The following F13A1 variants were observed in gnomAD, a reference collection of about 807,000 sequenced individuals.
F13A1 encodes the protein FSF, A subunit.
In F13A1, 47 loss-of-function variants were observed where a neutral mutation model predicts 80.1. The observed-to-expected ratio is 0.59, with a 90% confidence interval of 0.46 to 0.75. The LOEUF (loss-of-function observed/expected upper bound fraction) is 0.75, where lower values mean the gene tolerates loss of function less well. Ranked by LOEUF, F13A1 falls within the 30% of genes least tolerant of loss-of-function variation. The pLI, the probability that F13A1 is intolerant of heterozygous loss-of-function variation, is 0.00. For missense variants in F13A1, 817 were observed against 930.4 expected (o/e 0.88, Z 1.59); for synonymous variants, 349 against 344.9 (o/e 1.01, Z -0.13).
chr6:6,247,511 G>A (rs532068702), intron 6 of F13A1, among the ~76,000 whole-genome samples: 1 of 152,254 alleles, frequency 6.6e-6, no homozygotes, highest in South Asian at 2.1e-4. Context: ...ATCCAGGACT[G>A]CATGGGTCCT....
intron 3 of F13A1, among the ~76,000 whole-genome samples, chr6:6,297,376 C>T (rs1329201991): frequency 4.0e-5 from 6 of 151,120 alleles, no homozygotes; most frequent in African/African-American, 4.9e-5. Context: ...CCATCTGGTC[C>T]TGGACTCTTT....
At chr6:6,244,104 A>G (rs776004626) in intron 6 of F13A1, among the ~76,000 whole-genome samples, 3 of 152,200 alleles carry the variant, frequency 2.0e-5, no homozygotes, top group Non-Finnish European at 4.4e-5. Flanking sequence ...AGTCTGACTC[A>G]GGGCTCAGAG....
chr6:6,210,204 T>C (rs1761576982), intron 8 of F13A1, among the ~76,000 whole-genome samples: 1 of 151,334 alleles, frequency 6.6e-6, no homozygotes, highest in Non-Finnish European at 1.5e-5. Flanking sequence ...CAATCCAGCT[T>C]GGGTGAGAGA....
intron 10 of F13A1, among the ~76,000 whole-genome samples, chr6:6,186,103 T>C (rs1194209292): frequency 2.0e-5 from 3 of 151,222 alleles, no homozygotes; most frequent in African/African-American, 4.8e-5. Flanking sequence ...TTTGAGTTCA[T>C]TGTAGATTCT....
At chr6:6,206,970 G>A (rs1004359914) in intron 8 of F13A1, among the ~76,000 whole-genome samples, 1 of 151,690 alleles carries the variant, frequency 6.6e-6, no homozygotes, top group Non-Finnish European at 1.5e-5. Context: ...GCAGAGTAAG[G>A]ACTACTGGAA....
intron 8 of F13A1, among the ~76,000 whole-genome samples, chr6:6,214,532 GT>G (rs1761684455): frequency 9.8e-6 from 1 of 102,418 alleles, no homozygotes. Flanking sequence ...TCAAAGCAGT[GT>G]GTAGAGGGAA....
chr6:6,172,693 C>T (rs146236270), intron 12 of F13A1, among the ~76,000 whole-genome samples: 14,057 of 152,052 alleles, frequency 0.092, 818 homozygotes, highest in African/African-American at 0.16. Flanking sequence ...TTGATCCACC[C>T]GCCTCAGCCT....
chr6:6,218,603 G>T (rs2765236), intron 8 of F13A1, among the ~76,000 whole-genome samples: 9,695 of 152,206 alleles, frequency 0.064, 429 homozygotes, highest in South Asian at 0.098. Context: ...TGAGTCCCCA[G>T]CCCTCTCCTG....
chr6:6,279,495 C>G (rs536255770), intron 3 of F13A1, among the ~76,000 whole-genome samples: 2 of 152,274 alleles, frequency 1.3e-5, no homozygotes, highest in Admixed American at 1.3e-4. Context: ...ACCCCTCGTG[C>G]TGGGGTCTGG....
At chr6:6,253,460 G>A (rs1757663176) in intron 4 of F13A1, among the ~76,000 whole-genome samples, 1 of 152,160 alleles carries the variant, frequency 6.6e-6, no homozygotes, top group South Asian at 2.1e-4. Context: ...GTTACCCTGA[G>A]GAAAATATGA....
chr6:6,231,264 T>G (rs1189713440), intron 6 of F13A1, among the ~76,000 whole-genome samples: 1 of 151,986 alleles, frequency 6.6e-6, no homozygotes. Flanking sequence ...TGCACACACT[T>G]TTACGAATGC....
intron 5 of F13A1, among the ~76,000 whole-genome samples, chr6:6,248,834 A>T (rs2295752): frequency 6.6e-5 from 10 of 152,020 alleles, no homozygotes; most frequent in African/African-American, 2.4e-4. Context: ...TCGTGCATTT[A>T]GAAAATAAAG....
chr6:6,212,979 A>G (rs1338526738), intron 8 of F13A1, among the ~76,000 whole-genome samples: 1 of 152,196 alleles, frequency 6.6e-6, no homozygotes, highest in Non-Finnish European at 1.5e-5. Context: ...AGTTTAGAGA[A>G]AAAAGAATAA....
chr6:6,174,959 G>C, intron 11 of F13A1, 92 bp from the exon 12 acceptor site: 1 of 1,482,474 alleles, frequency 6.7e-7, no homozygotes, highest in East Asian at 2.3e-5. Flanking sequence ...GCACTTGTTG[G>C]GGTGTTTCTA....
chr6:6,206,419 A>G (rs181012476), intron 8 of F13A1: 4 of 466,460 alleles, frequency 8.6e-6, no homozygotes, highest in Non-Finnish European at 1.8e-5. Context: ...AGTGTTTTCT[A>G]TGTGGTTTAT....
At chr6:6,256,398 T>C (rs1346562076) in intron 4 of F13A1, among the ~76,000 whole-genome samples, 2 of 152,128 alleles carry the variant, frequency 1.3e-5, no homozygotes, top group African/African-American at 4.8e-5. Context: ...ACGATAAAAC[T>C]CTGAGAAAAA....
chr6:6,182,350 T>G (rs190227917), intron 10 of F13A1, among the ~76,000 whole-genome samples: 26 of 152,268 alleles, frequency 1.7e-4, no homozygotes, highest in African/African-American at 6.0e-4. Flanking sequence ...AAATAAAGAT[T>G]ATTTGAGGCT....
intron 3 of F13A1, among the ~76,000 whole-genome samples, chr6:6,281,808 T>C (rs1248550041): frequency 6.6e-6 from 1 of 151,552 alleles, no homozygotes. Flanking sequence ...CCTGGCGAAC[T>C]TGGTGAAACC....
chr6:6,297,695 C>CG (rs1198829505), intron 3 of F13A1, among the ~76,000 whole-genome samples: 1 of 149,102 alleles, frequency 6.7e-6, no homozygotes, highest in Non-Finnish European at 1.5e-5. Context: ...TTTCAAAAAA[C>CG]CAGCTCCTGG....
Sources: gnomAD v4.1 joint callset for allele counts (sites outside exome capture counted in the v4.1 genomes callset) on GRCh38, gnomAD v4.1.1 for gene constraint, MANE v1.5 for transcripts, NCBI Gene and HGNC (gene_info 2026-07-23, HGNC 2026-07-21) for gene names.